Variants in PDE7B observed in about 807,000 individuals in gnomAD.
The protein encoded by PDE7B is phosphodiesterase 7B, also known as 3',5'-cyclic-AMP phosphodiesterase 7B.
A neutral mutation model predicts 56.2 loss-of-function variants in PDE7B; 29 were observed. The observed-to-expected ratio is 0.52, with a 90% CI of 0.38 to 0.70. PDE7B has a LOEUF of 0.70. Ranked by LOEUF, PDE7B falls within the 30% of genes least tolerant of loss-of-function variation. The pLI is 0.00. For synonymous variants in PDE7B, 197 were observed against 196.9 expected, an observed-to-expected ratio of 1.00 and a Z score of 0.00; for missense variants, 490 against 565.0, an observed-to-expected ratio of 0.87 and a Z score of 1.35.
At chr6:136,140,890 A>G (rs1286726689) in intron 3 of PDE7B, among the ~76,000 whole-genome samples, 1 of 152,134 alleles carries the variant, frequency 6.6e-6, no homozygotes, top group East Asian at 1.9e-4. Flanking sequence ...TTTTCTAGAT[A>G]TACAATCATG....
chr6:136,173,640 GTTGTT>G (rs1184787675), intron 8 of PDE7B, among the ~76,000 whole-genome samples, 152 bp from the exon 9 acceptor site: 1 of 151,906 alleles, frequency 6.6e-6, no homozygotes, highest in Non-Finnish European at 1.5e-5. Context: ...AGACCTCATG[GTTGTT>G]TTATCTTTTG....
At chr6:135,982,088 C>A (rs139620218) in intron 2 of PDE7B, among the ~76,000 whole-genome samples, 9 of 152,268 alleles carry the variant, frequency 5.9e-5, no homozygotes, top group South Asian at 2.1e-4. Context: ...TTACACAGCA[C>A]ATGACTATAC....
At chr6:135,871,032 A>G (rs117791011) in intron 1 of PDE7B, among the ~76,000 whole-genome samples, 116 of 152,290 alleles carry the variant, frequency 7.6e-4, no homozygotes, top group Admixed American at 2.0e-3. Context: ...TCTTACTGGT[A>G]AGGGGCTGAG....
At chr6:136,115,171 T>C (rs1385879446) in intron 3 of PDE7B, among the ~76,000 whole-genome samples, 1 of 152,164 alleles carries the variant, frequency 6.6e-6, no homozygotes, top group African/African-American at 2.4e-5. Flanking sequence ...CAAATACATT[T>C]TGATGTGGTG....
At chr6:135,977,693 G>T (rs1183987597) in intron 2 of PDE7B, among the ~76,000 whole-genome samples, 1 of 152,132 alleles carries the variant, frequency 6.6e-6, no homozygotes, top group Admixed American at 6.5e-5. Flanking sequence ...AGAGGCTGAG[G>T]TAGGAAAGGA....
At chr6:136,118,922 T>C (rs1382207823) in intron 3 of PDE7B, among the ~76,000 whole-genome samples, 2 of 152,316 alleles carry the variant, frequency 1.3e-5, no homozygotes, top group East Asian at 3.9e-4. Flanking sequence ...CTACTGTATT[T>C]TCTAATATTC....
At chr6:136,051,292 G>T (rs1342292266) in intron 2 of PDE7B, among the ~76,000 whole-genome samples, 1 of 152,114 alleles carries the variant, frequency 6.6e-6, no homozygotes, top group Non-Finnish European at 1.5e-5. Flanking sequence ...TACCAGAAAA[G>T]ATCACAAGAA....
intron 1 of PDE7B, among the ~76,000 whole-genome samples, chr6:135,920,276 C>T (rs558154532): frequency 6.6e-6 from 1 of 152,270 alleles, no homozygotes; most frequent in African/African-American, 2.4e-5. Context: ...ATAGAGAACA[C>T]ATAGATTATA....
intron 2 of PDE7B, among the ~76,000 whole-genome samples, chr6:136,075,012 G>T (rs2128214440): frequency 6.6e-6 from 1 of 152,220 alleles, no homozygotes; most frequent in Admixed American, 6.5e-5. Context: ...TTTTCTCTAT[G>T]CAAGATCATT....
intron 2 of PDE7B, among the ~76,000 whole-genome samples, chr6:136,075,768 G>A (rs1462229928): frequency 6.6e-6 from 1 of 152,098 alleles, no homozygotes; most frequent in Non-Finnish European, 1.5e-5. Flanking sequence ...GAACGACCTG[G>A]GTTACATAAC....
intron 2 of PDE7B, among the ~76,000 whole-genome samples, chr6:136,007,935 A>AC (rs1244302124): frequency 3.3e-5 from 5 of 151,950 alleles, no homozygotes; most frequent in African/African-American, 1.2e-4. Context: ...TGCACCCAGT[A>AC]ACTCGTCATT....
chr6:136,180,808 T>A (rs1779050716), intron 10 of PDE7B, among the ~76,000 whole-genome samples: 1 of 152,156 alleles, frequency 6.6e-6, no homozygotes, highest in African/African-American at 2.4e-5. Flanking sequence ...CCAACACACA[T>A]AATTTAAGTG....
intron 2 of PDE7B, among the ~76,000 whole-genome samples, chr6:136,050,300 T>G (rs1252064477): frequency 6.6e-6 from 1 of 152,152 alleles, no homozygotes; most frequent in African/African-American, 2.4e-5. Flanking sequence ...ACATTTTTCT[T>G]GTTTCCAAAC....
chr6:136,105,360 G>A (rs1056665794), intron 2 of PDE7B, among the ~76,000 whole-genome samples: 13 of 152,198 alleles, frequency 8.5e-5, no homozygotes, highest in African/African-American at 3.1e-4. Context: ...ATAGGAAAGT[G>A]GTTAAGAACA....
chr6:136,191,899 G>A lies in PDE7B; in HGVS notation c.*59G>A. 7.7e-7 allele frequency: 1 copy of A among 1,292,606 alleles called. No homozygotes were observed. Among genetic ancestry groups the A allele is most frequent in the South Asian group, 1.3e-5 (1 of 77,528 alleles). 80.1% of individuals were successfully genotyped at this position (1,292,606 alleles called of 1,614,324 possible). On this transcript the variant is annotated 3_prime_UTR_variant, in exon 13 of 13. Coordinates refer to ENST00000308191, the MANE Select transcript of PDE7B (RefSeq NM_018945.4). ...GCAGGGCCCCCAGAGGGCAGAAGCA[G>A]CGTGGAGGGGCCCTCACGCAGCAGC...
At chr6:136,093,191 G>C (rs1163517415) in intron 2 of PDE7B, among the ~76,000 whole-genome samples, 1 of 152,172 alleles carries the variant, frequency 6.6e-6, no homozygotes, top group South Asian at 2.1e-4. Context: ...GATGCTGCTT[G>C]TCAGGGGTAT....
chr6:135,951,165 G>C (rs1774692475), intron 2 of PDE7B, among the ~76,000 whole-genome samples: 1 of 152,074 alleles, frequency 6.6e-6, no homozygotes, highest in Admixed American at 6.6e-5. Context: ...TTTCCTTCAG[G>C]CTTAGGGAAA....
intron 2 of PDE7B, among the ~76,000 whole-genome samples, chr6:135,977,759 C>A (rs2128203820): frequency 6.6e-6 from 1 of 152,192 alleles, no homozygotes; most frequent in East Asian, 1.9e-4. Context: ...ATTCAGATGA[C>A]CATCTTCAAA....
At chr6:136,088,547 A>G (rs898707873) in intron 2 of PDE7B, among the ~76,000 whole-genome samples, 22 of 152,164 alleles carry the variant, frequency 1.4e-4, no homozygotes, top group Admixed American at 2.6e-4. Context: ...GCAGAATAGG[A>G]TTAGAAGTCA....
Sources: gnomAD v4.1 joint callset for allele counts (sites outside exome capture counted in the v4.1 genomes callset) on GRCh38, gnomAD v4.1.1 for gene constraint, MANE v1.5 for transcripts, NCBI Gene and HGNC (gene_info 2026-07-23, HGNC 2026-07-21) for gene names.